SCIN: variants seen among roughly 807,000 people sequenced by gnomAD.
The protein encoded by SCIN is scinderin.
A neutral mutation model predicts 91.8 loss-of-function variants in SCIN; 91 were observed. The ratio of observed to expected loss-of-function variants is 0.99; its 90% CI spans 0.84 to 1.18. The LOEUF (loss-of-function observed/expected upper bound fraction) is 1.18. Among genes scored for constraint, SCIN ranks in the 50% most tolerant of loss-of-function variants. The probability of loss-of-function intolerance (pLI) is 0.00; values close to 1 mark genes in which losing one functional copy is unlikely to be tolerated. For synonymous variants in SCIN, 367 were observed against 312.6 expected (o/e 1.17, Z -1.84); for missense variants, 1,087 against 863.9 (o/e 1.26, Z -3.24).
intron 10 of SCIN, 71 bp downstream of exon 10, chr7:12,636,206 C>A (rs1783749141): frequency 4.7e-6 from 5 of 1,065,838 alleles, no homozygotes; most frequent in Non-Finnish European, 7.0e-6. Flanking sequence ...GCTATAGCTC[C>A]CTCCCAAGTT....
At chr7:12,615,264 C>G (rs1358692359) in intron 4 of SCIN, among the ~76,000 whole-genome samples, 1 of 152,054 alleles carries the variant, frequency 6.6e-6, no homozygotes. Context: ...GTGTCCTCAC[C>G]CAAATCTCAT....
intron 3 of SCIN, among the ~76,000 whole-genome samples, chr7:12,592,384 A>T (rs990456503): frequency 6.6e-6 from 1 of 152,054 alleles, no homozygotes; most frequent in Non-Finnish European, 1.5e-5. Flanking sequence ...GTCTAAGAAG[A>T]CTGCATGAGC....
At chr7:12,599,615 G>A (rs987641235) in intron 3 of SCIN, among the ~76,000 whole-genome samples, 13 of 152,046 alleles carry the variant, frequency 8.6e-5, no homozygotes, top group Non-Finnish European at 1.5e-4. Context: ...CATAGTGGTC[G>A]TTAGTAGTTT....
Position 12,622,982 on chromosome 7 carries a change from T to G in SCIN, c.759+89T>G, listed in dbSNP as rs1009208432. ...TTGGGCGGGATTCCCGTTGCTGCAG[T>G]TGAGAACTCTCCTCATTGCTCTCCA... On this transcript the variant is annotated intron_variant, in intron 5 of 15. Transcript: ENST00000297029. The G allele has an allele frequency of 2.2e-4, 176 of 806,178 alleles. No individual in the cohort carries two copies. In the African/African-American group the frequency reaches 2.9e-3, roughly 13 times the overall value. 49.9% of individuals were successfully genotyped at this position (806,178 alleles called of 1,614,324 possible).
At position 12,660,100 on chromosome 7, in the gene SCIN, TCCCACCA is replaced by T; in HGVS notation, c.*7389_*7395del. 6.6e-6 allele frequency: 1 copy of T among 152,386 alleles called. No homozygotes were observed. The highest frequency in any genetic ancestry group is 1.9e-4 in the East Asian group (1 of 5,176). The allele number at this position is 152,386 out of a possible 1,614,324, so 9.4% of individuals were successfully genotyped here. ...CAAAACCTATAAGAACTAATGATAA[TCCCACCA>T]CCCTTTGCTGACTCTCTTTTCGGAC... On this transcript the variant is annotated 3_prime_UTR_variant, in exon 16 of 16. Coordinates refer to ENST00000297029, the MANE Select transcript of SCIN (RefSeq NM_001112706.3).
chr7:12,635,611 C>CAAAAAAAAAAA (rs59324421), intron 9 of SCIN, among the ~76,000 whole-genome samples: 2 of 5,854 alleles, frequency 3.4e-4, no homozygotes, highest in Non-Finnish European at 4.5e-4. Flanking sequence ...GACTCCGTCT[C>CAAAAAAAAAAA]AAAAAAAAAA....
At position 12,616,662 on chromosome 7, in the gene SCIN, G is replaced by A. The variant is rs1411112642; in HGVS notation, c.667-6139G>A. 2.6e-5 allele frequency among the ~76,000 whole-genome samples: 4 copies of A among 152,178 alleles called. No individual in the cohort carries two copies. In the East Asian group the frequency reaches 7.7e-4, roughly 29 times the overall value. The stretch of plus-strand genomic sequence containing the variant: ...TTTCCCACAGAGCCAGAATATTATA[G>A]ACACGCAAGAAATAAACCTTACATA... On this transcript the variant is annotated intron_variant, in intron 4 of 15. Transcript: ENST00000297029.
Position 12,651,744 on chromosome 7 carries a change from TTGAA to T in SCIN, c.1960-93_1960-90del. The T allele has an allele frequency of 1.4e-6, 1 of 730,746 alleles. No homozygotes were observed. Among genetic ancestry groups the T allele is most frequent in the East Asian group, 2.8e-5 (1 of 35,190 alleles). The allele number at this position is 730,746 out of a possible 1,614,324, so 45.3% of individuals were successfully genotyped here. ...CTAACTTCTGCGGATATTGTGAAGA[TTGAA>T]TGAGCAATGTGTGTGTGAAGCACTT... On this transcript the variant is annotated intron_variant, in intron 14 of 15. Coordinates refer to ENST00000297029, the MANE Select transcript of SCIN (RefSeq NM_001112706.3). This position sits in a 1 kb window ranked among gnomAD's most constrained non-coding sequence, Gnocchi z 5.9.
At chr7:12,641,232 G>A (rs1056052393) in intron 11 of SCIN, among the ~76,000 whole-genome samples, 2 of 152,020 alleles carry the variant, frequency 1.3e-5, no homozygotes, top group African/African-American at 4.8e-5. Flanking sequence ...CCTTAAACTT[G>A]GGTTGGTCAT....
At position 12,657,246 on chromosome 7, in the gene SCIN, TCTCA is replaced by T. The variant is rs1337954263; in HGVS notation, c.*4535_*4538del. 4.7e-4 allele frequency: 63 copies of T among 135,182 alleles called. No homozygotes were observed. The highest frequency in any genetic ancestry group is 1.5e-3 in the African/African-American group (54 of 36,432). 8.4% of individuals were successfully genotyped at this position (135,182 alleles called of 1,614,324 possible). A position where few individuals can be genotyped will look rare whatever the true frequency, so the allele number is the denominator to read the frequency against. Reference sequence around the variant, plus strand: ...TTTTTTTTTTTTTTTTGAGATAGGTTCTCACTCTGTTGCCCAGGCTGGAGTACAG... The same window carrying T: ...TTTTTTTTTTTTTTTTGAGATAGGTTCTCTGTTGCCCAGGCTGGAGTACAG... On this transcript the variant is annotated 3_prime_UTR_variant, in exon 16 of 16. Transcript: ENST00000297029.
chr7:12,606,798 T>G (rs849781), intron 4 of SCIN, among the ~76,000 whole-genome samples: 143,151 of 152,184 alleles, frequency 0.94, 67,387 homozygotes, highest in South Asian at 0.98. Flanking sequence ...AGAAAAAAAG[T>G]CCATTTAAAA....
rs189671385 is a variant in SCIN at position 12,597,642 on chromosome 7, C to G, written c.517-6872C>G. 7.4e-4 allele frequency among the ~76,000 whole-genome samples: 113 copies of G among 152,280 alleles called. 1 individual carries two copies. The highest frequency in any genetic ancestry group is 2.5e-3 in the African/African-American group (105 of 41,554). ...TAGTTTAAAGAAATTTTAGAAACCTCTGATTTTCAAGACCAATAATAGGAC... is the reference window on the plus strand; with the variant it reads ...TAGTTTAAAGAAATTTTAGAAACCTGTGATTTTCAAGACCAATAATAGGAC... On this transcript the variant is annotated intron_variant, in intron 3 of 15. Coordinates refer to ENST00000297029, the MANE Select transcript of SCIN (RefSeq NM_001112706.3).
chr7:12,593,896 A>G (rs960879075), intron 3 of SCIN, among the ~76,000 whole-genome samples: 11 of 152,224 alleles, frequency 7.2e-5, no homozygotes, highest in Non-Finnish European at 1.5e-4. Context: ...GAAGGAGGGT[A>G]GAAGAGAGGA....
In SCIN at chr7:12,657,573, T is replaced by TATATATATATATA. The variant is rs1491092212; in HGVS notation, c.*4858_*4859insATATATATATATA. On this transcript the variant is annotated 3_prime_UTR_variant, in exon 16 of 16. Transcript: ENST00000297029. Reference sequence around the variant, plus strand: ...ATATATATATATATATATATATATATTTTTTTTTTTTTTTTTTTTTTTTTT... The same window carrying TATATATATATATA: ...ATATATATATATATATATATATATATATATATATATATATTTTTTTTTTTTTTTTTTTTTTTTT... 19 of 15,252 alleles carry TATATATATATATA rather than the reference T, an allele frequency of 1.2e-3. 1 individual carries two copies. The highest frequency in any genetic ancestry group is 5.1e-3 in the Admixed American group (4 of 792). 0.9% of individuals were successfully genotyped at this position (15,252 alleles called of 1,614,324 possible).
At chr7:12,624,967 T>A (rs1440438752) in intron 5 of SCIN, 43 bp from the exon 6 acceptor site, 1 of 1,540,444 alleles carries the variant, frequency 6.5e-7, no homozygotes, top group Admixed American at 2.1e-5. Context: ...AACATCCTTA[T>A]CATCCCCAAA....
Position 12,649,494 on chromosome 7 carries a change from C to G in SCIN, c.1909C>G (p.Gln637Glu). The G allele has an allele frequency of 1.2e-6, 2 of 1,602,546 alleles. No homozygotes were observed. The highest frequency in any genetic ancestry group is 1.7e-6 in the Non-Finnish European group (2 of 1,174,096). The change falls in exon 14 of 16, where the codon CAG becomes GAG. Residue 637 changes from glutamine to glutamate, a missense_variant. Coordinates refer to ENST00000297029, the MANE Select transcript of SCIN (RefSeq NM_001112706.3). The stretch of plus-strand genomic sequence containing the variant: ...TGAAGAGATTCCAGGAGAGTTCACC[C>G]AGGATGATTTAGCTGAAGATGATGT... ...VIEEIPGEFT[Q>E]DDLAEDDVML...
chr7:12,576,514 G>A (rs73680866), intron 1 of SCIN, among the ~76,000 whole-genome samples: 13,015 of 152,058 alleles, frequency 0.086, 1,607 homozygotes, highest in African/African-American at 0.28. Context: ...GTCAGTTAGG[G>A]TTGTTCATGT....
At position 12,644,609 on chromosome 7, in the gene SCIN, G is replaced by T; in HGVS notation, c.1785G>T (p.Gly595=). ...EPEEFWNSLG[G]KKDYQTSPLL... ...AGGAGTTCTGGAATTCCCTTGGAGG[G>T]AAAAAAGACTACCAGACCTCACCAC... The change falls in exon 13 of 16, where the codon GGG becomes GGT. Residue 595 remains glycine (G), a synonymous_variant. Coordinates refer to ENST00000297029, the MANE Select transcript of SCIN (RefSeq NM_001112706.3). 1 of 1,610,054 alleles carries T rather than the reference G, an allele frequency of 6.2e-7. No individual in the cohort carries two copies. The highest frequency in any genetic ancestry group is 8.5e-7 in the Non-Finnish European group (1 of 1,178,144).
At chr7:12,589,755 G>A (rs563575364) in intron 3 of SCIN, among the ~76,000 whole-genome samples, 5 of 152,244 alleles carry the variant, frequency 3.3e-5, no homozygotes, top group East Asian at 3.9e-4. Flanking sequence ...GGGCCTGGTC[G>A]GCTTGTTGGC....
Sources: allele counts gnomAD v4.1 joint callset (sites outside exome capture counted in the v4.1 genomes callset), GRCh38; gene constraint gnomAD v4.1.1; non-coding constraint Gnocchi (gnomAD v3.1); transcripts MANE v1.5; gene names NCBI Gene and HGNC (gene_info 2026-07-23, HGNC 2026-07-21).